SLC22A5: variants seen among roughly 807,000 people sequenced by gnomAD.
The protein encoded by SLC22A5 is organic cation/carnitine transporter 2.
In SLC22A5, 44 loss-of-function variants were observed where a neutral mutation model predicts 56.7. That is an observed-to-expected ratio of 0.78 (90% CI 0.61 to 1.00). The LOEUF (loss-of-function observed/expected upper bound fraction) is 1.00, where lower values mean the gene tolerates loss of function less well. Among genes scored for constraint, SLC22A5 ranks in the 50% least tolerant of loss-of-function variants. The pLI, the probability that SLC22A5 is intolerant of heterozygous loss-of-function variation, is 0.00. For synonymous variants in SLC22A5, 278 were observed against 292.1 expected (o/e 0.95, Z 0.49); for missense variants, 675 against 723.0 (o/e 0.93, Z 0.76).
intron 4 of SLC22A5, among the ~76,000 whole-genome samples, chr5:132,386,353 G>T (rs1752530025): frequency 6.6e-6 from 1 of 151,258 alleles, no homozygotes. Flanking sequence ...TCAGCCTCCC[G>T]AGTAGCTGGG....
chr5:132,382,821 CTTT>C (rs1349025465), intron 2 of SLC22A5: 1 of 152,150 alleles, frequency 6.6e-6, no homozygotes, highest in Non-Finnish European at 1.5e-5. Flanking sequence ...GAAACAGCAT[CTTT>C]TTTAATTTAT....
At chr5:132,377,912 C>T (rs1752203277) in intron 1 of SLC22A5, 1 of 560,976 alleles carries the variant, frequency 1.8e-6, no homozygotes. Context: ...AGATGGTGCA[C>T]TCTGTGCCCT....
rs751690936 is a variant in SLC22A5 at position 132,378,061 on chromosome 5, G to A, written c.394-317G>A. 40 of 1,518,460 alleles carry A rather than the reference G, an allele frequency of 2.6e-5. No homozygotes were observed. In the Admixed American group the frequency reaches 4.2e-4, roughly 16 times the overall value. The allele number at this position is 1,518,460 out of a possible 1,614,324, so 94.1% of individuals were successfully genotyped here. A position where few individuals can be genotyped will look rare whatever the true frequency, so the allele number is the denominator to read the frequency against. ...TGCCTCTTCCACAGCCCTGGGCTCC[G>A]CTCAGATTTTTAGGAGCAAGCGTTA... On this transcript the variant is annotated intron_variant, in intron 1 of 9. Transcript: ENST00000245407.
intron 2 of SLC22A5, 103 bp downstream of exon 2, chr5:132,378,584 C>G: frequency 1.1e-6 from 1 of 875,740 alleles, no homozygotes; most frequent in Non-Finnish European, 2.0e-6. Flanking sequence ...AGCGCAGGGC[C>G]CTGTATTTTA....
chr5:132,375,086 G>A, intron 1 of SLC22A5, among the ~76,000 whole-genome samples: 1 of 152,154 alleles, frequency 6.6e-6, no homozygotes, highest in East Asian at 1.9e-4. Context: ...GGAGATTGAA[G>A]TTCAGGAGTT....
At chr5:132,374,663 A>T (rs953704909) in intron 1 of SLC22A5, among the ~76,000 whole-genome samples, 1 of 152,056 alleles carries the variant, frequency 6.6e-6, no homozygotes, top group African/African-American at 2.4e-5. Context: ...ACATCTGGCC[A>T]TGAGTGGTCA....
At chr5:132,386,870 G>T (rs976052876) in intron 4 of SLC22A5, among the ~76,000 whole-genome samples, 155 bp from the exon 5 acceptor site, 1 of 152,192 alleles carries the variant, frequency 6.6e-6, no homozygotes, top group South Asian at 2.1e-4. Context: ...TTATTGCTGC[G>T]TGTGGATCAG....
intron 1 of SLC22A5, among the ~76,000 whole-genome samples, chr5:132,371,696 T>C (rs1751938896): frequency 6.6e-6 from 1 of 152,104 alleles, no homozygotes; most frequent in Admixed American, 6.5e-5. Flanking sequence ...TCCGTGAGCC[T>C]AGGGTGTTCA....
At chr5:132,370,481 A>G (rs1751868264) in intron 1 of SLC22A5, 116 bp downstream of exon 1, 2 of 1,187,808 alleles carry the variant, frequency 1.7e-6, no homozygotes. Flanking sequence ...CCCCTCCCCC[A>G]ACGGTCAACA....
chr5:132,389,134 A>T, intron 6 of SLC22A5, 113 bp downstream of exon 6: 1 of 730,638 alleles, frequency 1.4e-6, no homozygotes, highest in South Asian at 1.5e-5. Flanking sequence ...GTCATCAGAG[A>T]GTGAAAAGGA....
chr5:132,394,267 T>C lies in SLC22A5; in HGVS notation c.1669T>C (p.Phe557Leu). 5 of 1,606,508 alleles carry C rather than the reference T, an allele frequency of 3.1e-6. No individual in the cohort carries two copies. Among genetic ancestry groups the C allele is most frequent in the African/African-American group, 1.3e-5 (1 of 74,848 alleles). The change falls in exon 10 of 10, where the codon TTC becomes CTC. Residue 557 changes from phenylalanine (F) to leucine (L), a missense_variant. Phe to Leu is a conservative substitution (Grantham distance 22). Transcript: ENST00000245407. ...ERPTILKSTA[F>L] The stretch of plus-strand genomic sequence containing the variant: ...GCCCACAATCCTTAAAAGCACAGCC[T>C]TCTAACATCGCTTCCAGTAAGGGAG...
Position 132,374,044 on chromosome 5 carries a change from C to T in SLC22A5, c.393+3679C>T, listed in dbSNP as rs553029759. On this transcript the variant is annotated intron_variant, in intron 1 of 9. Transcript: ENST00000245407. The stretch of plus-strand genomic sequence containing the variant: ...CAGCCTGGCCAACATGGTGAAACCT[C>T]GTATCCGCTAAAAATACAAAAATTA... Among the ~76,000 whole-genome samples the T allele has an allele frequency of 1.5e-4, 23 of 152,066 alleles. No individual in the cohort carries two copies. The South Asian group carries it at 4.4e-3, about 29-fold the overall frequency.
intron 5 of SLC22A5, 73 bp downstream of exon 5, chr5:132,387,224 A>G: frequency 6.3e-7 from 1 of 1,578,684 alleles, no homozygotes; most frequent in Non-Finnish European, 8.7e-7. Flanking sequence ...CCAGCCCTGA[A>G]GTCCTCCCTG....
At chr5:132,375,713 A>G (rs889133374) in intron 1 of SLC22A5, among the ~76,000 whole-genome samples, 2 of 152,230 alleles carry the variant, frequency 1.3e-5, no homozygotes, top group Non-Finnish European at 2.9e-5. Flanking sequence ...TACACCCTTG[A>G]AACCATCACC....
At chr5:132,376,237 G>A (rs572924718) in intron 1 of SLC22A5, 2 of 152,314 alleles carry the variant, frequency 1.3e-5, no homozygotes, top group South Asian at 2.1e-4. Flanking sequence ...GACCCCCTGC[G>A]GCCAATAGGA....
intron 2 of SLC22A5, chr5:132,383,883 T>C (rs1752432371): frequency 1.9e-6 from 1 of 515,856 alleles, no homozygotes; most frequent in African/African-American, 1.9e-5. Flanking sequence ...ATTGATGTAT[T>C]TCAGTCTCTT....
intron 1 of SLC22A5, among the ~76,000 whole-genome samples, chr5:132,371,066 G>A (rs7717486): frequency 0.022 from 3,288 of 150,672 alleles, 100 homozygotes; most frequent in African/African-American, 0.076. Flanking sequence ...TGCAATCTTC[G>A]CCTTCCGGGC....
At position 132,378,428 on chromosome 5, in the gene SLC22A5, G is replaced by A; in HGVS notation, c.444G>A (p.Leu148=). 2 of 1,614,234 alleles carry A rather than the reference G, an allele frequency of 1.2e-6. No individual in the cohort carries two copies. The highest frequency in any genetic ancestry group is 8.5e-7 in the Non-Finnish European group (1 of 1,180,042). ...GGAAGGCCCCACTCACAATCTCCTT[G>A]TTCTTCGTGGGTGTGCTGTTGGGCT... ...DDWKAPLTIS[L]FFVGVLLGSF... is the part of the protein sequence containing the mutation. Residue 148 remains leucine, a synonymous_variant, in exon 2 of 10, where the codon TTG becomes TTA. Transcript: ENST00000245407.
Position 132,390,871 on chromosome 5 carries a change from A to C in SLC22A5, c.1234A>C (p.Ser412Arg), listed in dbSNP as rs1057518364. ...SMATALFLGG[S>R]VLLFMQLVPP... ...GGCCACTGCCCTCTTCCTGGGTGGC[A>C]GTGTCCTTCTCTTCATGCAGCTGGT... is the stretch of plus-strand genomic sequence containing the variant. The change falls in exon 7 of 10, where the codon AGT becomes CGT. Residue 412 changes from serine (S) to arginine (R), a missense_variant. By Grantham distance (110) the Ser-to-Arg change is moderately radical. Coordinates refer to ENST00000245407, the MANE Select transcript of SLC22A5 (RefSeq NM_003060.4). 1.1e-5 allele frequency: 17 copies of C among 1,614,204 alleles called. No individual in the cohort carries two copies. Among genetic ancestry groups the C allele is most frequent in the Non-Finnish European group, 1.4e-5 (17 of 1,180,034 alleles).
Sources: gnomAD v4.1 joint callset for allele counts (sites outside exome capture counted in the v4.1 genomes callset) on GRCh38, gnomAD v4.1.1 for gene constraint, MANE v1.5 for transcripts, NCBI Gene and HGNC (gene_info 2026-07-23, HGNC 2026-07-21) for gene names.